Variants in WDR35 observed in about 807,000 individuals in gnomAD.
The protein encoded by WDR35 is WD repeat-containing protein 35.
In WDR35, 118 loss-of-function variants were observed where a neutral mutation model predicts 158.3. That is an observed-to-expected ratio of 0.75 (90% CI 0.64 to 0.87). The LOEUF is 0.87. WDR35 is among the 40% of genes least tolerant of loss of function. The probability of loss-of-function intolerance (pLI) is 0.00; values close to 1 mark genes in which losing one functional copy is unlikely to be tolerated. For missense variants in WDR35, 1,263 were observed against 1,405.8 expected, an observed-to-expected ratio of 0.90 and a Z score of 1.62; for synonymous variants, 448 against 476.1, an observed-to-expected ratio of 0.94 and a Z score of 0.77.
chr2:19,951,557 G>T, intron 12 of WDR35, 73 bp from the exon 13 acceptor site: 2 of 1,192,240 alleles, frequency 1.7e-6, no homozygotes, highest in East Asian at 2.5e-5. Flanking sequence ...TAGAATAAAC[G>T]ATTGGACAAC....
At position 19,969,635 on chromosome 2, in the gene WDR35, G is replaced by A. The variant is rs769123485; in HGVS notation, c.883-30C>T. On this transcript the variant is annotated intron_variant, in intron 8 of 26. Transcript: ENST00000281405. ...AAAAGAAAGTTATCTTTAACCTAAA[G>A]TATAACAATTAACTGAAATACAAAT... is the stretch of plus-strand genomic sequence containing the variant. 12 of 1,606,646 alleles carry A rather than the reference G, an allele frequency of 7.5e-6. 1 individual carries two copies. The South Asian group carries it at 1.1e-4, about 15-fold the overall frequency.
intron 22 of WDR35, among the ~76,000 whole-genome samples, chr2:19,933,063 G>A (rs529479875): frequency 2.6e-5 from 4 of 151,984 alleles, no homozygotes; most frequent in Non-Finnish European, 5.9e-5. Context: ...GTCCTTCTTT[G>A]GAAACAAAAC....
At position 19,934,808 on chromosome 2, in the gene WDR35, T is replaced by C. The variant is rs146599907; in HGVS notation, c.2547+663A>G. Among the ~76,000 whole-genome samples the C allele has an allele frequency of 6.4e-4, 98 of 152,278 alleles. No individual in the cohort carries two copies. Among genetic ancestry groups the C allele is most frequent in the African/African-American group, 2.1e-3 (87 of 41,560 alleles). On this transcript the variant is annotated intron_variant, in intron 21 of 26. Transcript: ENST00000281405. The surrounding 1 kb of genome is among the most constrained non-coding windows in gnomAD (Gnocchi z 4.6). ...AAATTCACAATAGGGAAAACTGAAT[T>C]ACCGTAATTCTATACTTATCTATTA...
At chr2:19,925,737 C>T (rs1670337054) in intron 25 of WDR35, among the ~76,000 whole-genome samples, 2 of 152,122 alleles carry the variant, frequency 1.3e-5, no homozygotes, top group Non-Finnish European at 2.9e-5. Flanking sequence ...AGCACAAGTT[C>T]TAATTCCAGA....
Position 19,910,639 on chromosome 2 carries a change from C to T in WDR35, c.*2919G>A, listed in dbSNP as rs1669801295. 6.6e-6 allele frequency: 1 copy of T among 152,176 alleles called. No homozygotes were observed. The highest frequency in any genetic ancestry group is 2.1e-4 in the South Asian group (1 of 4,824). The allele number at this position is 152,176 out of a possible 1,614,324, so 9.4% of individuals were successfully genotyped here. ...TAATGATGCTGTCTTCAATATACTA[C>T]CTAATTCTGTTTATGCAACTTCTCA... On this transcript the variant is annotated 3_prime_UTR_variant, in exon 27 of 27. Coordinates refer to ENST00000281405, the MANE Select transcript of WDR35 (RefSeq NM_020779.4).
intron 9 of WDR35, among the ~76,000 whole-genome samples, chr2:19,968,194 G>A (rs1671920200): frequency 6.6e-6 from 1 of 152,128 alleles, no homozygotes; most frequent in Non-Finnish European, 1.5e-5. Context: ...CATATCAGGG[G>A]GCATGTGATA....
intron 16 of WDR35, among the ~76,000 whole-genome samples, chr2:19,943,575 A>T (rs553288844): frequency 6.6e-6 from 1 of 152,144 alleles, no homozygotes; most frequent in Non-Finnish European, 1.5e-5. Context: ...TGTATATATA[A>T]GAGCATATAT....
At chr2:19,929,953 G>A (rs1037149178) in intron 25 of WDR35, among the ~76,000 whole-genome samples, 1 of 151,614 alleles carries the variant, frequency 6.6e-6, no homozygotes, top group African/African-American at 2.4e-5. Context: ...ATTTTAAAAC[G>A]TGGTTTTCAA....
intron 13 of WDR35, among the ~76,000 whole-genome samples, chr2:19,950,079 A>C (rs778905431): frequency 6.6e-6 from 1 of 152,142 alleles, no homozygotes; most frequent in Non-Finnish European, 1.5e-5. Context: ...AAAGGGGTGG[A>C]TTTCATTAAG....
chr2:19,961,842 C>A (rs945278552), intron 10 of WDR35, among the ~76,000 whole-genome samples: 1 of 152,184 alleles, frequency 6.6e-6, no homozygotes, highest in African/African-American at 2.4e-5. Flanking sequence ...AGTCTCTCCC[C>A]ACCATGACAA....
intron 3 of WDR35, 125 bp from the exon 4 acceptor site, chr2:19,980,908 T>C: frequency 5.0e-6 from 4 of 807,270 alleles, no homozygotes; most frequent in Non-Finnish European, 8.1e-6. Context: ...TAGTCTTTAA[T>C]ATTCCTCAAA....
intron 17 of WDR35, among the ~76,000 whole-genome samples, chr2:19,939,268 C>T (rs1194950736): frequency 2.0e-5 from 3 of 151,960 alleles, no homozygotes; most frequent in Non-Finnish European, 4.4e-5. Flanking sequence ...ATTAGGATTA[C>T]AAGACGAAAT....
chr2:19,918,006 C>T (rs1296489858), intron 25 of WDR35, among the ~76,000 whole-genome samples: 1 of 152,144 alleles, frequency 6.6e-6, no homozygotes, highest in African/African-American at 2.4e-5. Flanking sequence ...GGTCGGGCTA[C>T]CCACAAAGGG....
At chr2:19,971,810 G>A (rs1299412592) in intron 8 of WDR35, among the ~76,000 whole-genome samples, 1 of 152,208 alleles carries the variant, frequency 6.6e-6, no homozygotes, top group Non-Finnish European at 1.5e-5. Context: ...GGATGTGGCA[G>A]CAGCAAGGAA....
chr2:19,946,531 T>C lies in WDR35; in HGVS notation c.1564A>G (p.Asn522Asp). 6.2e-7 allele frequency: 1 copy of C among 1,613,658 alleles called. No homozygotes were observed. Among genetic ancestry groups the C allele is most frequent in the Non-Finnish European group, 8.5e-7 (1 of 1,179,718 alleles). The change falls in exon 15 of 27, where the codon AAT becomes GAT. Residue 522 changes from asparagine to aspartate, a missense_variant. By Grantham distance (23) the Asn-to-Asp change is conservative. Coordinates refer to ENST00000281405, the MANE Select transcript of WDR35 (RefSeq NM_020779.4). ...GAATATTTTTGAATCAAACCAACAT[T>C]AGGTAGACTGTATCTCTGAATGGTG... ...SGTIQRYSLP[N>D]VGLIQKYSLN...
In WDR35 at chr2:19,965,244, G is replaced by A. The variant is rs904282189; in HGVS notation, c.1194+1480C>T. On this transcript the variant is annotated intron_variant, in intron 10 of 26. Transcript: ENST00000281405. ...AGCCCCAAAATAATGTTTTTCAGAC[G>A]TGTCCTTCCTGCACAGTCTCTGCTT... 7.2e-5 allele frequency among the ~76,000 whole-genome samples: 11 copies of A among 152,194 alleles called. No homozygotes were observed. In the South Asian group the frequency reaches 1.0e-3, roughly 14 times the overall value.
chr2:19,967,010 T>C (rs1208826850), intron 9 of WDR35, 101 bp from the exon 10 acceptor site: 13 of 1,157,386 alleles, frequency 1.1e-5, no homozygotes, highest in Non-Finnish European at 1.5e-5. Flanking sequence ...ACTCTCAAAA[T>C]ATTGCAGATA....
At chr2:19,954,397 G>C (rs1047040143) in intron 11 of WDR35, among the ~76,000 whole-genome samples, 3 of 152,146 alleles carry the variant, frequency 2.0e-5, no homozygotes, top group African/African-American at 7.2e-5. Context: ...CCCATAGAAT[G>C]GGAGAAAATA....
At chr2:19,985,378 A>G (rs1430244144) in intron 2 of WDR35, among the ~76,000 whole-genome samples, 1 of 151,392 alleles carries the variant, frequency 6.6e-6, no homozygotes, top group Non-Finnish European at 1.5e-5. Context: ...CTCAAACCCT[A>G]CCACAAGCAG....
Sources: gnomAD v4.1 joint callset for allele counts (sites outside exome capture counted in the v4.1 genomes callset) on GRCh38, gnomAD v4.1.1 for gene constraint, Gnocchi (gnomAD v3.1) non-coding constraint, MANE v1.5 for transcripts, NCBI Gene and HGNC (gene_info 2026-07-23, HGNC 2026-07-21) for gene names.